THBS4: variants seen among roughly 807,000 people sequenced by gnomAD.
THBS4 encodes thrombospondin 4, also known as thrombospondin-4.
In THBS4, 90 loss-of-function variants were observed where a neutral mutation model predicts 115.7. That is an observed-to-expected ratio of 0.78 (90% confidence interval 0.66 to 0.93). The LOEUF (loss-of-function observed/expected upper bound fraction) is 0.93. Ranked by LOEUF, THBS4 falls within the 40% of genes least tolerant of loss-of-function variation. THBS4 has a pLI of 0.00. For missense variants in THBS4, 1,087 were observed against 1,232.7 expected (o/e 0.88, Z 1.77); for synonymous variants, 460 against 479.3 (o/e 0.96, Z 0.53).
intron 2 of THBS4, among the ~76,000 whole-genome samples, chr5:80,025,084 G>A (rs955444355): frequency 1.3e-5 from 2 of 152,126 alleles, no homozygotes; most frequent in African/African-American, 4.8e-5. Context: ...CCTCATTGTT[G>A]TAAAGATTAG....
intron 2 of THBS4, among the ~76,000 whole-genome samples, chr5:80,009,948 C>G (rs1286684932): frequency 6.6e-6 from 1 of 152,056 alleles, no homozygotes; most frequent in African/African-American, 2.4e-5. Context: ...GCCCAGGCAA[C>G]ATAGTGAGAC....
intron 20 of THBS4, 45 bp from the exon 21 acceptor site, chr5:80,082,361 C>G: frequency 6.2e-7 from 1 of 1,607,226 alleles, no homozygotes; most frequent in East Asian, 2.2e-5. Flanking sequence ...GCACTTTACC[C>G]CGGGTTGGAT....
intron 2 of THBS4, among the ~76,000 whole-genome samples, chr5:80,019,038 A>G (rs1239437621): frequency 7.9e-6 from 1 of 126,020 alleles, no homozygotes; most frequent in African/African-American, 3.3e-5. Context: ...TCTCTCTGTG[A>G]TTGTTTTTTT....
rs556244048 is a variant in THBS4, at chr5:80,054,389, T to C, written c.293-1396T>C. Among the ~76,000 whole-genome samples, 22 of 151,240 alleles carry C rather than the reference T, an allele frequency of 1.5e-4. No homozygotes were observed. The South Asian group carries it at 2.1e-3, about 14-fold the overall frequency. On this transcript the variant is annotated intron_variant, in intron 2 of 21. Transcript: ENST00000350881. Reference sequence around the variant, plus strand: ...AGGCTGGAGTGCAGTGGTGTGATCTTGGCTCACTGCAACCTCCACCTCCCA... The same window carrying C: ...AGGCTGGAGTGCAGTGGTGTGATCTCGGCTCACTGCAACCTCCACCTCCCA...
At chr5:80,046,715 A>G (rs920495138) in intron 2 of THBS4, among the ~76,000 whole-genome samples, 8 of 152,156 alleles carry the variant, frequency 5.3e-5, no homozygotes, top group Admixed American at 5.2e-4. Flanking sequence ...ACCTTTCTAA[A>G]TAATATAAAA....
chr5:80,078,769 C>CA (rs1743344193), intron 17 of THBS4, 152 bp from the exon 18 acceptor site: 2 of 633,524 alleles, frequency 3.2e-6, no homozygotes, highest in Non-Finnish European at 5.1e-6. Flanking sequence ...GAGCACATAA[C>CA]ACAATAGAGC....
intron 20 of THBS4, among the ~76,000 whole-genome samples, chr5:80,081,427 T>C (rs1386192914): frequency 6.6e-6 from 1 of 152,150 alleles, no homozygotes; most frequent in Non-Finnish European, 1.5e-5. Context: ...AACAATATCA[T>C]AGAGAAATAA....
intron 2 of THBS4, among the ~76,000 whole-genome samples, chr5:80,054,810 G>A (rs761241294): frequency 3.9e-5 from 6 of 152,108 alleles, no homozygotes; most frequent in Non-Finnish European, 8.8e-5. Context: ...TCAGGGATGG[G>A]TTGCTGAGGG....
At chr5:80,053,682 C>T (rs1157289177) in intron 2 of THBS4, among the ~76,000 whole-genome samples, 3 of 152,184 alleles carry the variant, frequency 2.0e-5, no homozygotes, top group African/African-American at 7.2e-5. Flanking sequence ...AATTAGCCTC[C>T]GACCTTGTTC....
Position 80,059,482 on chromosome 5 carries a change from CA to C in THBS4, c.776del (p.Gln259ArgfsTer84). On this transcript the variant is annotated frameshift_variant, in exon 6 of 22. Coordinates refer to ENST00000350881, the MANE Select transcript of THBS4 (RefSeq NM_003248.6). LOFTEE classifies it high-confidence loss of function. ...SFLRNTIAEC[Q>X]ACGPLKFQSP... Reference sequence around the variant, plus strand: ...TTTGCGAAACACCATAGCTGAATGCCAGGCTTGCGGTAAGTGCTTTTCTAGT... The same window carrying C: ...TTTGCGAAACACCATAGCTGAATGCCGGCTTGCGGTAAGTGCTTTTCTAGT... The C allele has an allele frequency of 6.2e-7, 1 of 1,614,054 alleles. No homozygotes were observed. Among genetic ancestry groups the C allele is most frequent in the African/African-American group, 1.3e-5 (1 of 75,006 alleles).
At position 80,078,912 on chromosome 5, in the gene THBS4, T is replaced by C. The variant is rs761190479; in HGVS notation, c.2266-9T>C. ...AGACTGTTCTGAACTCCCTCAACTC[T>C]CTCTGCAGGGCATGGAGATTGTACA... On this transcript the variant is annotated splice_polypyrimidine_tract_variant and intron_variant, in intron 17 of 21. Transcript: ENST00000350881. 9.3e-6 allele frequency: 15 copies of C among 1,613,450 alleles called. No homozygotes were observed. The South Asian group carries it at 1.5e-4, about 17-fold the overall frequency.
intron 2 of THBS4, among the ~76,000 whole-genome samples, chr5:80,020,650 T>C (rs1329827609): frequency 6.6e-6 from 1 of 152,168 alleles, no homozygotes; most frequent in Non-Finnish European, 1.5e-5. Context: ...TCTGGTGTGA[T>C]AGCAGCAGGC....
intron 2 of THBS4, among the ~76,000 whole-genome samples, chr5:80,005,625 G>C (rs76725950): frequency 0.014 from 2,109 of 152,186 alleles, 52 homozygotes; most frequent in African/African-American, 0.048. Context: ...CTGAGTCTTG[G>C]TGTCCTGTTT....
rs370052804 is a variant in THBS4, at chr5:80,022,559, C to T, written n.178-17518C>T. Among the ~76,000 whole-genome samples, 10 of 152,160 alleles carry T rather than the reference C, an allele frequency of 6.6e-5. No homozygotes were observed. The East Asian group carries it at 1.3e-3, about 20-fold the overall frequency. The stretch of plus-strand genomic sequence containing the variant: ...TAAGGCATAAATCCAGCATGTTCAC[C>T]TTTCAATTACACAGTTGAAAATATA... On this transcript the variant is annotated intron_variant and non_coding_transcript_variant, in intron 2 of 3. Coordinates refer to the THBS4 transcript ENST00000510218.
At chr5:80,047,245 C>CTG (rs1253985867) in intron 2 of THBS4, among the ~76,000 whole-genome samples, 1 of 152,206 alleles carries the variant, frequency 6.6e-6, no homozygotes, top group Non-Finnish European at 1.5e-5. Flanking sequence ...AAGAGTCCCA[C>CTG]TGTACTCTTA....
chr5:80,046,836 C>T (rs1374519922), intron 2 of THBS4, among the ~76,000 whole-genome samples: 1 of 152,094 alleles, frequency 6.6e-6, no homozygotes, highest in Admixed American at 6.6e-5. Context: ...TCCAACATGT[C>T]AGTGACTTGA....
intron 2 of THBS4, among the ~76,000 whole-genome samples, chr5:80,004,173 G>C (rs1192981515): frequency 6.6e-6 from 1 of 152,186 alleles, no homozygotes; most frequent in Non-Finnish European, 1.5e-5. Context: ...CTAGAAGCCA[G>C]GTTTTTCAGG....
intron 3 of THBS4, among the ~76,000 whole-genome samples, chr5:80,056,607 A>C (rs544969093): frequency 6.6e-6 from 1 of 152,290 alleles, no homozygotes; most frequent in South Asian, 2.1e-4. Flanking sequence ...CTGTCATTGC[A>C]CCTGCTGTAG....
chr5:80,070,769 G>A lies in THBS4; in HGVS notation c.1560+19G>A, dbSNP rs1175254322. 6.2e-7 allele frequency: 1 copy of A among 1,612,326 alleles called. No homozygotes were observed. Among genetic ancestry groups the A allele is most frequent in the East Asian group, 2.2e-5 (1 of 44,876 alleles). On this transcript the variant is annotated intron_variant, in intron 12 of 21. Coordinates refer to ENST00000350881, the MANE Select transcript of THBS4 (RefSeq NM_003248.6). ...TGAGCAGGTACCTGCTTCGCTGGGA[G>A]GGCCTGTGAATTGCCACGTACCAGG...
Sources: gnomAD v4.1 joint callset for allele counts (sites outside exome capture counted in the v4.1 genomes callset) on GRCh38, gnomAD v4.1.1 for gene constraint, MANE v1.5 for transcripts, NCBI Gene and HGNC (gene_info 2026-07-23, HGNC 2026-07-21) for gene names.